UBR3: variants seen among roughly 807,000 people sequenced by gnomAD.
The protein encoded by UBR3 is ubiquitin protein ligase E3 component n-recognin 3.
In UBR3, 85 loss-of-function variants were observed where a neutral mutation model predicts 243.2. The observed-to-expected ratio is 0.35, with a 90% CI of 0.29 to 0.42. The LOEUF is 0.42. Ranked by LOEUF, UBR3 falls within the 10% of genes least tolerant of loss-of-function variation. UBR3 has a pLI of 1.00. For synonymous variants in UBR3, 748 were observed against 799.8 expected (o/e 0.94, Z 1.09); for missense variants, 1,686 against 2,300.8 (o/e 0.73, Z 5.47).
chr2:169,965,424 C>T (rs1274762390), intron 24 of UBR3, among the ~76,000 whole-genome samples: 2 of 152,094 alleles, frequency 1.3e-5, no homozygotes, highest in African/African-American at 4.8e-5. Flanking sequence ...CAGAGGATGG[C>T]TGAAACTAAC....
intron 24 of UBR3, among the ~76,000 whole-genome samples, chr2:169,976,022 AT>A (rs1175782686): frequency 4.7e-5 from 7 of 148,250 alleles, no homozygotes; most frequent in East Asian, 3.9e-4. Flanking sequence ...TTTGCTTGAA[AT>A]TTTTTTTTTA....
Position 170,008,948 on chromosome 2 carries a change from T to C in UBR3, c.4367+8T>C, listed in dbSNP as rs747532450. On this transcript the variant is annotated splice_region_variant and intron_variant, in intron 29 of 38. Coordinates refer to ENST00000272793, the MANE Select transcript of UBR3 (RefSeq NM_172070.4). ...TATGTACTCTGTTGCTAGGTAGGTA[T>C]ATATAGTGTATACTTTTTAGTTTAC... 6.6e-7 allele frequency: 1 copy of C among 1,526,172 alleles called. No individual in the cohort carries two copies. Among genetic ancestry groups the C allele is most frequent in the South Asian group, 1.3e-5 (1 of 74,294 alleles). 94.5% of individuals were successfully genotyped at this position (1,526,172 alleles called of 1,614,324 possible). A position where few individuals can be genotyped will look rare whatever the true frequency, so the allele number is the denominator to read the frequency against.
chr2:170,057,225 C>T (rs1240469264), intron 33 of UBR3, among the ~76,000 whole-genome samples: 3 of 151,914 alleles, frequency 2.0e-5, no homozygotes, highest in Non-Finnish European at 4.4e-5. Flanking sequence ...AAGGGATCCT[C>T]CCACCTCAGC....
intron 1 of UBR3, among the ~76,000 whole-genome samples, chr2:169,857,721 C>T (rs2082939393): frequency 6.6e-6 from 1 of 151,838 alleles, no homozygotes; most frequent in Admixed American, 6.6e-5. Flanking sequence ...GCCACTGTGC[C>T]TGGCCAAATT....
chr2:169,838,155 T>C (rs540343378), intron 1 of UBR3, among the ~76,000 whole-genome samples: 1 of 152,292 alleles, frequency 6.6e-6, no homozygotes, highest in Admixed American at 6.5e-5. Context: ...ATGAGGAGGT[T>C]GCAGAAAGAT....
intron 33 of UBR3, among the ~76,000 whole-genome samples, chr2:170,058,177 C>T (rs1214334136): frequency 6.6e-6 from 1 of 152,148 alleles, no homozygotes; most frequent in East Asian, 1.9e-4. Flanking sequence ...CGTCTTCTCT[C>T]ACCCCTTTCC....
chr2:170,070,175 C>T (rs967259411), intron 35 of UBR3, among the ~76,000 whole-genome samples: 13 of 151,958 alleles, frequency 8.6e-5, no homozygotes, highest in African/African-American at 3.1e-4. Context: ...GGGTTTATCC[C>T]GGAATGCACA....
intron 33 of UBR3, among the ~76,000 whole-genome samples, chr2:170,059,368 T>C (rs1170286830): frequency 6.6e-6 from 1 of 152,146 alleles, no homozygotes; most frequent in Non-Finnish European, 1.5e-5. Flanking sequence ...CTCAGAAAAG[T>C]ATATTGAATT....
chr2:170,078,456 C>T (rs1406003333), intron 36 of UBR3, among the ~76,000 whole-genome samples: 1 of 152,150 alleles, frequency 6.6e-6, no homozygotes, highest in Non-Finnish European at 1.5e-5. Flanking sequence ...CCTCTTGTTT[C>T]CCATACATAT....
At chr2:170,044,823 T>C (rs1180533753) in intron 32 of UBR3, among the ~76,000 whole-genome samples, 2 of 152,164 alleles carry the variant, frequency 1.3e-5, no homozygotes, top group African/African-American at 4.8e-5. Context: ...CACAGTCTAG[T>C]TTAAGGCAGC....
chr2:169,987,577 TATTATAA>T (rs1250975724), intron 25 of UBR3, among the ~76,000 whole-genome samples: 1 of 151,214 alleles, frequency 6.6e-6, no homozygotes, highest in Non-Finnish European at 1.5e-5. Context: ...TATATAATTT[TATTATAA>T]ATTATAAATA....
At chr2:169,923,891 A>G in intron 11 of UBR3, 38 bp from the exon 12 acceptor site, 2 of 1,490,254 alleles carry the variant, frequency 1.3e-6, no homozygotes, top group South Asian at 2.6e-5. Flanking sequence ...TTTCTATAAA[A>G]TAGTCTTTGA....
In UBR3 at chr2:170,061,076, C is replaced by T. The variant is rs2091447469; in HGVS notation, c.4786-3C>T. On this transcript the variant is annotated splice_region_variant and splice_polypyrimidine_tract_variant and intron_variant, in intron 33 of 38. Coordinates refer to ENST00000272793, the MANE Select transcript of UBR3 (RefSeq NM_172070.4). ...AGTGTAACCAATATTTTAATTTTTT[C>T]AGAGTACATGTGATGCAGAAAAGTC... 1.3e-6 allele frequency: 2 copies of T among 1,515,586 alleles called. No individual in the cohort carries two copies. The highest frequency in any genetic ancestry group is 2.4e-5 in the Admixed American group (1 of 41,946). The allele number at this position is 1,515,586 out of a possible 1,614,324, so 93.9% of individuals were successfully genotyped here.
At chr2:169,933,897 A>G (rs57852934) in intron 19 of UBR3, among the ~76,000 whole-genome samples, 3,306 of 152,206 alleles carry the variant, frequency 0.022, 110 homozygotes, top group African/African-American at 0.075. Context: ...AACAACAACA[A>G]CAACAACAAC....
In UBR3 at chr2:169,827,582, C is replaced by T; in HGVS notation, c.75C>T (p.Ala25=). The T allele has an allele frequency of 2.4e-6, 3 of 1,251,834 alleles. No individual in the cohort carries two copies. Among genetic ancestry groups the T allele is most frequent in the Non-Finnish European group, 3.0e-6 (3 of 1,001,520 alleles). 77.5% of individuals were successfully genotyped at this position (1,251,834 alleles called of 1,614,324 possible). The change falls in exon 1 of 39, where the codon GCC becomes GCT. Residue 25 remains alanine (A), a synonymous_variant. Coordinates refer to ENST00000272793, the MANE Select transcript of UBR3 (RefSeq NM_172070.4). ...SQPELPAPGL[A]LDKAATAAHL... is the part of the protein sequence containing the mutation. ...CCGAGCTGCCCGCGCCGGGGCTGGC[C>T]CTAGACAAGGCGGCCACCGCCGCGC...
At chr2:170,040,751 T>C (rs942210525) in intron 31 of UBR3, 131 bp from the exon 32 acceptor site, 4 of 733,240 alleles carry the variant, frequency 5.5e-6, no homozygotes, top group Non-Finnish European at 8.2e-6. Context: ...ACTCCTAAGG[T>C]TTTTTTTTAC....
rs566735790 is a variant in UBR3, at chr2:170,074,603, A to G, written c.5199+996A>G. Among the ~76,000 whole-genome samples, 5 of 152,332 alleles carry G rather than the reference A, an allele frequency of 3.3e-5. No individual in the cohort carries two copies. The South Asian group carries it at 1.0e-3, about 32-fold the overall frequency. The stretch of plus-strand genomic sequence containing the variant: ...TTTTTAAACTTCTAGAACATTACTT[A>G]TTGCTGTTACTAAAGCAACCTTCCT... On this transcript the variant is annotated intron_variant, in intron 36 of 38. Coordinates refer to ENST00000272793, the MANE Select transcript of UBR3 (RefSeq NM_172070.4).
chr2:170,061,732 T>G (rs571022764), intron 35 of UBR3, among the ~76,000 whole-genome samples: 1 of 152,316 alleles, frequency 6.6e-6, no homozygotes, highest in African/African-American at 2.4e-5. Context: ...CCTCCCAAAA[T>G]GCTGGAATTA....
chr2:169,849,275 GTCTA>G, intron 1 of UBR3, among the ~76,000 whole-genome samples: 1 of 152,330 alleles, frequency 6.6e-6, no homozygotes, highest in South Asian at 2.1e-4. Context: ...TTTTGTGATT[GTCTA>G]TTGTTTTTCA....
Sources: gnomAD v4.1 joint callset for allele counts (sites outside exome capture counted in the v4.1 genomes callset) on GRCh38, gnomAD v4.1.1 for gene constraint, MANE v1.5 for transcripts, NCBI Gene and HGNC (gene_info 2026-07-23, HGNC 2026-07-21) for gene names.